The following SLC35B3 variants were observed in gnomAD, a reference collection of about 807,000 sequenced individuals.
The protein encoded by SLC35B3 is solute carrier family 35 member B3, also known as adenosine 3'-phospho 5'-phosphosulfate transporter 2.
In SLC35B3, 35 loss-of-function variants were observed where a neutral mutation model predicts 44.1. The ratio of observed to expected loss-of-function variants is 0.79; its 90% CI spans 0.61 to 1.05. The LOEUF (loss-of-function observed/expected upper bound fraction) is 1.05, where lower values mean the gene tolerates loss of function less well. SLC35B3 is among the 50% of genes least tolerant of loss of function. The pLI is 0.00. For synonymous variants in SLC35B3, 146 were observed against 167.3 expected (o/e 0.87, Z 0.98); for missense variants, 414 against 476.4 (o/e 0.87, Z 1.22).
chr6:8,430,018 A>C lies in SLC35B3; in HGVS notation c.143T>G (p.Val48Gly). The C allele has an allele frequency of 4.3e-6, 7 of 1,614,042 alleles. No homozygotes were observed. The highest frequency in any genetic ancestry group is 5.9e-6 in the Non-Finnish European group (7 of 1,179,958). The change falls in exon 3 of 11, where the codon GTG becomes GGG. Residue 48 changes from valine to glycine, a missense_variant. Transcript: ENST00000644923. ...TGACATTGTTTGGGTTTTGGATGGC[A>C]CAGTGATAGAAATATATTTCCTGGA...
rs987342097 is a variant in SLC35B3, at chr6:8,422,496, A to G, written c.548T>C (p.Val183Ala). The change falls in exon 5 of 11, where the codon GTT becomes GCT. Residue 183 changes from valine (V) to alanine (A), a missense_variant. Physicochemically the swap from Val to Ala is moderately conservative, Grantham distance 64 (BLOSUM62 0). Coordinates refer to ENST00000644923, the MANE Select transcript of SLC35B3 (RefSeq NM_001370476.2). ...TTGAATAAAAACTCCTCCTAGCATA[A>G]CAGGAATCAATTTGCAGCACTTGAA... is the stretch of plus-strand genomic sequence containing the variant. 3 of 1,613,356 alleles carry G rather than the reference A, an allele frequency of 1.9e-6. No homozygotes were observed. Among genetic ancestry groups the G allele is most frequent in the Admixed American group, 1.7e-5 (1 of 59,930 alleles).
At chr6:8,423,324 A>C (rs1169133479) in intron 4 of SLC35B3, among the ~76,000 whole-genome samples, 1 of 152,216 alleles carries the variant, frequency 6.6e-6, no homozygotes, top group African/African-American at 2.4e-5. Flanking sequence ...TGTGATTTAA[A>C]ACCCTAGATG....
chr6:8,427,374 G>T (rs1268288585), intron 4 of SLC35B3, among the ~76,000 whole-genome samples: 1 of 152,210 alleles, frequency 6.6e-6, no homozygotes, highest in Non-Finnish European at 1.5e-5. Flanking sequence ...TATGCTGTGT[G>T]CAGCTTAAGA....
chr6:8,422,479 A>T lies in SLC35B3; in HGVS notation c.565T>A (p.Phe189Ile). Residue 189 changes from phenylalanine (F) to isoleucine (I), a missense_variant, in exon 5 of 11, where the codon TTT becomes ATT. Physicochemically the swap from Phe to Ile is conservative, Grantham distance 21. Transcript: ENST00000644923. The stretch of plus-strand genomic sequence containing the variant: ...CATATCATTACTATACCTTGAATAA[A>T]AACTCCTCCTAGCATAACAGGAATC... The T allele has an allele frequency of 6.2e-7, 1 of 1,612,572 alleles. No homozygotes were observed. Among genetic ancestry groups the T allele is most frequent in the South Asian group, 1.1e-5 (1 of 90,960 alleles).
In SLC35B3 at chr6:8,430,797, C is replaced by G. The variant is rs375948829; in HGVS notation, c.4-640G>C. Among the ~76,000 whole-genome samples, 15 of 152,176 alleles carry G rather than the reference C, an allele frequency of 9.9e-5. No individual in the cohort carries two copies. The South Asian group carries it at 3.1e-3, about 32-fold the overall frequency. On this transcript the variant is annotated intron_variant, in intron 2 of 10. Transcript: ENST00000644923. ...CCTGTAGTCCTAGCTACTTGGGAGG[C>G]TGAGGCAGGATGATCACTTGAGTCC...
At chr6:8,426,499 T>C (rs1763423788) in intron 4 of SLC35B3, among the ~76,000 whole-genome samples, 2 of 152,206 alleles carry the variant, frequency 1.3e-5, no homozygotes, top group African/African-American at 4.8e-5. Flanking sequence ...TCACAAGATC[T>C]GATGGTTTTA....
Position 8,430,152 on chromosome 6 carries a change from CAA to C in SLC35B3, c.7_8del (p.Leu3AspfsTer19). On this transcript the variant is annotated frameshift_variant, in exon 3 of 11. An upstream open reading frame in the 5' UTR gains an earlier in-frame stop. Coordinates refer to ENST00000644923, the MANE Select transcript of SLC35B3 (RefSeq NM_001370476.2). LOFTEE classifies it high-confidence loss of function. Reference sequence around the variant, plus strand: ...TCTGTATGTCTTTTGCTTGCTGTGTCAAGTCCTAGAGAAGGAAATAAGCAATT... The same window carrying C: ...TCTGTATGTCTTTTGCTTGCTGTGTCGTCCTAGAGAAGGAAATAAGCAATT... 1 of 1,572,976 alleles carries C rather than the reference CAA, an allele frequency of 6.4e-7. No individual in the cohort carries two copies. Among genetic ancestry groups the C allele is most frequent in the Non-Finnish European group, 8.6e-7 (1 of 1,162,362 alleles).
intron 4 of SLC35B3, among the ~76,000 whole-genome samples, chr6:8,425,534 A>G (rs1581255199): frequency 6.6e-6 from 1 of 152,234 alleles, no homozygotes; most frequent in East Asian, 1.9e-4. Flanking sequence ...TAAGGTTCAA[A>G]TATTTTTACA....
intron 4 of SLC35B3, among the ~76,000 whole-genome samples, chr6:8,424,782 T>C (rs966751461): frequency 1.3e-5 from 2 of 152,240 alleles, no homozygotes; most frequent in African/African-American, 2.4e-5. Context: ...CTCTGAGGTC[T>C]TGACAGATGT....
chr6:8,412,886 T>C lies in SLC35B3; in HGVS notation c.*663A>G, dbSNP rs910211356. Among the ~76,000 whole-genome samples, 8 of 152,172 alleles carry C rather than the reference T, an allele frequency of 5.3e-5. No homozygotes were observed. The highest frequency in any genetic ancestry group is 1.9e-4 in the African/African-American group (8 of 41,452). ...AATGCTCACTTGTCAGCCTCTCACC[T>C]CTTGTTGCGTGGTCTGGTTCCTAAC... On this transcript the variant is annotated 3_prime_UTR_variant, in exon 11 of 11. Transcript: ENST00000644923.
In SLC35B3 at chr6:8,434,912, C is replaced by T. The variant is rs2113597346; in HGVS notation, c.-44+431G>A. ...ATAGCCCAGCCAGAACAATCACATTCTACTGCAAGCCAAATGGAGAAAAGA... is the reference window on the plus strand; with the variant it reads ...ATAGCCCAGCCAGAACAATCACATTTTACTGCAAGCCAAATGGAGAAAAGA... On this transcript the variant is annotated intron_variant, in intron 1 of 10. Transcript: ENST00000644923. This position sits in a 1 kb window ranked among gnomAD's most constrained non-coding sequence, Gnocchi z 6.3. Among the ~76,000 whole-genome samples, 1 of 152,298 alleles carries T rather than the reference C, an allele frequency of 6.6e-6. No homozygotes were observed. Among genetic ancestry groups the T allele is most frequent in the South Asian group, 2.1e-4 (1 of 4,820 alleles).
intron 4 of SLC35B3, among the ~76,000 whole-genome samples, chr6:8,424,757 G>C (rs1276193682): frequency 6.6e-6 from 1 of 152,140 alleles, no homozygotes; most frequent in African/African-American, 2.4e-5. Context: ...AAAATTTAGA[G>C]TATTATAGAA....
In SLC35B3 at chr6:8,430,171, T is replaced by G; in HGVS notation, c.4-14A>C. On this transcript the variant is annotated splice_polypyrimidine_tract_variant and intron_variant, in intron 2 of 10. Coordinates refer to ENST00000644923, the MANE Select transcript of SLC35B3 (RefSeq NM_001370476.2). The stretch of plus-strand genomic sequence containing the variant: ...CTGTGTCAAGTCCTAGAGAAGGAAA[T>G]AAGCAATTAAAACATTTACATGATA... 3.3e-6 allele frequency: 5 copies of G among 1,527,882 alleles called. 1 individual carries two copies. Among genetic ancestry groups the G allele is most frequent in the Middle Eastern group, 3.5e-4 (2 of 5,672 alleles). The allele number at this position is 1,527,882 out of a possible 1,614,324, so 94.6% of individuals were successfully genotyped here.
In SLC35B3 at chr6:8,432,855, C is replaced by T. The variant is rs915163355; in HGVS notation, c.3+1530G>A. Among the ~76,000 whole-genome samples the T allele has an allele frequency of 6.6e-6, 1 of 152,188 alleles. No individual in the cohort carries two copies. Among genetic ancestry groups the T allele is most frequent in the African/African-American group, 2.4e-5 (1 of 41,446 alleles). ...GAAATACAGACCTGAATTTCCAACG[C>T]TGCCTTCTCTCCTGAGATCCAGAGC... is the stretch of plus-strand genomic sequence containing the variant. On this transcript the variant is annotated intron_variant, in intron 2 of 10. Coordinates refer to ENST00000644923, the MANE Select transcript of SLC35B3 (RefSeq NM_001370476.2). This position sits in a 1 kb window ranked among gnomAD's most constrained non-coding sequence, Gnocchi z 4.8.
At chr6:8,422,044 G>A (rs906835069) in intron 5 of SLC35B3, among the ~76,000 whole-genome samples, 11 of 152,156 alleles carry the variant, frequency 7.2e-5, no homozygotes, top group South Asian at 6.2e-4. Context: ...TCGCTCTGTC[G>A]CCCAGGCTGG....
rs1330219230 is a variant in SLC35B3 at position 8,435,366 on chromosome 6, A to G, written c.-67T>C. On this transcript the variant is annotated 5_prime_UTR_variant, in exon 1 of 11. Transcript: ENST00000644923. This position sits in a 1 kb window ranked among gnomAD's most constrained non-coding sequence, Gnocchi z 5.5. The stretch of plus-strand genomic sequence containing the variant: ...ACCCCAAGGCCGGTATGTCACCCGG[A>G]AGGGTGACGGCAGCCTGCGTGGCGT... 1.6e-6 allele frequency: 2 copies of G among 1,288,972 alleles called. No individual in the cohort carries two copies. Among genetic ancestry groups the G allele is most frequent in the Non-Finnish European group, 2.0e-6 (2 of 988,776 alleles). 79.8% of individuals were successfully genotyped at this position (1,288,972 alleles called of 1,614,324 possible). A position where few individuals can be genotyped will look rare whatever the true frequency, so the allele number is the denominator to read the frequency against.
chr6:8,417,389 G>T lies in SLC35B3; in HGVS notation c.873+13C>A. 2.0e-6 allele frequency: 3 copies of T among 1,474,700 alleles called. No homozygotes were observed. Among genetic ancestry groups the T allele is most frequent in the Non-Finnish European group, 2.8e-6 (3 of 1,074,926 alleles). 91.4% of individuals were successfully genotyped at this position (1,474,700 alleles called of 1,614,324 possible). A position where few individuals can be genotyped will look rare whatever the true frequency, so the allele number is the denominator to read the frequency against. ...ACAGAAGATTTTTTTTTTTAAATGT[G>T]ATTAGTGTTTACCTTTGCACAAAAT... is the stretch of plus-strand genomic sequence containing the variant. On this transcript the variant is annotated intron_variant, in intron 8 of 10. Coordinates refer to ENST00000644923, the MANE Select transcript of SLC35B3 (RefSeq NM_001370476.2).
chr6:8,415,244 G>A (rs1243684424), intron 9 of SLC35B3, among the ~76,000 whole-genome samples: 2 of 152,166 alleles, frequency 1.3e-5, no homozygotes, highest in Non-Finnish European at 2.9e-5. Flanking sequence ...GTACTTGATG[G>A]AGGCTATGGT....
At position 8,419,112 on chromosome 6, in the gene SLC35B3, A is replaced by G. The variant is rs902663319; in HGVS notation, c.780+468T>C. Among the ~76,000 whole-genome samples the G allele has an allele frequency of 2.0e-5, 3 of 152,086 alleles. No individual in the cohort carries two copies. Among genetic ancestry groups the G allele is most frequent in the South Asian group, 2.1e-4 (1 of 4,830 alleles). On this transcript the variant is annotated intron_variant, in intron 7 of 10. Transcript: ENST00000644923. The surrounding 1 kb of genome is among the most constrained non-coding windows in gnomAD (Gnocchi z 4.3). ...CATTTGAAAGAAAAGTTCTTTTAAA[A>G]AAGTTTTAGATTGGATCAAGGGCTT...
Sources: gnomAD v4.1 joint callset for allele counts (sites outside exome capture counted in the v4.1 genomes callset) on GRCh38, gnomAD v4.1.1 for gene constraint, Gnocchi (gnomAD v3.1) non-coding constraint, MANE v1.5 for transcripts, NCBI Gene and HGNC (gene_info 2026-07-23, HGNC 2026-07-21) for gene names.